Variants in GATM observed in about 807,000 individuals in gnomAD.
GATM encodes the protein glycine amidinotransferase.
In GATM, 23 loss-of-function variants were observed where a neutral mutation model predicts 54.2. The observed-to-expected ratio is 0.42, with a 90% confidence interval of 0.31 to 0.60. The LOEUF is 0.60. Ranked by LOEUF, GATM falls within the 20% of genes least tolerant of loss-of-function variation. The pLI is 0.14. For synonymous variants in GATM, 168 were observed against 183.1 expected, an observed-to-expected ratio of 0.92 and a Z score of 0.67; for missense variants, 401 against 544.9, an observed-to-expected ratio of 0.74 and a Z score of 2.63.
rs753489854 is a variant in GATM at position 45,378,450 on chromosome 15, G to T, written c.4C>A (p.Leu2Met). ...CCGCCGCGCAGACACCGCACCCGCA[G>T]CATCGCCCTGGCCCGGCTGGTCCAC... MLRVRCLRGGSR... is the reference protein window; with the variant it reads MMRVRCLRGGSR... Residue 2 changes from leucine to methionine, a missense_variant, in exon 1 of 9, where the codon CTG (leucine) becomes ATG (methionine). Leu to Met is a conservative substitution (Grantham distance 15). Transcript: ENST00000396659. 1.5e-5 allele frequency: 22 copies of T among 1,486,234 alleles called. No individual in the cohort carries two copies. The highest frequency in any genetic ancestry group is 2.0e-5 in the Non-Finnish European group (22 of 1,124,996). 92.1% of individuals were successfully genotyped at this position (1,486,234 alleles called of 1,614,324 possible).
chr15:45,364,978 C>T, intron 6 of GATM, 118 bp from the exon 7 acceptor site: 5 of 803,444 alleles, frequency 6.2e-6, no homozygotes, highest in Non-Finnish European at 8.1e-6. Flanking sequence ...TCTCAGCTTC[C>T]AAAAGAAAGA....
intron 2 of GATM, among the ~76,000 whole-genome samples, chr15:45,371,717 T>C (rs1889547262): frequency 6.6e-6 from 1 of 152,220 alleles, no homozygotes; most frequent in South Asian, 2.1e-4. Context: ...GTGTCCCTAA[T>C]ACATCATGGG....
At chr15:45,376,182 C>T (rs1214321093) in intron 2 of GATM, among the ~76,000 whole-genome samples, 1 of 152,100 alleles carries the variant, frequency 6.6e-6, no homozygotes, top group African/African-American at 2.4e-5. Flanking sequence ...AGTCCTGTGG[C>T]AATATCCCGT....
chr15:45,373,508 A>T (rs1298751251), intron 2 of GATM, among the ~76,000 whole-genome samples: 2 of 133,690 alleles, frequency 1.5e-5, no homozygotes, highest in African/African-American at 5.4e-5. Flanking sequence ...ATCTTAAAAA[A>T]ATATATATCT....
upstream of GATM, chr15:45,378,558 G>A (rs1889687427): frequency 8.1e-6 from 7 of 865,368 alleles, no homozygotes; most frequent in East Asian, 1.7e-4. Flanking sequence ...CGGGCGCGCG[G>A]GGCCCGAGGC....
chr15:45,368,082 C>T lies in GATM; in HGVS notation c.663G>A (p.Glu221=), dbSNP rs1566840431. 6.2e-7 allele frequency: 1 copy of T among 1,614,002 alleles called. No individual in the cohort carries two copies. Among genetic ancestry groups the T allele is most frequent in the East Asian group, 2.2e-5 (1 of 44,872 alleles). The change falls in exon 4 of 9, where the codon GAG becomes GAA. Residue 221 remains glutamate (E), a synonymous_variant. Transcript: ENST00000396659. The surrounding 1 kb of genome is among the most constrained non-coding windows in gnomAD (Gnocchi z 5.1). Reference sequence around the variant, plus strand: ...ATTAGGGACTCACCTGGTTATAAAGCTCATCAGCCATTGTGGGCTTAGGAG... The same window carrying T: ...ATTAGGGACTCACCTGGTTATAAAGTTCATCAGCCATTGTGGGCTTAGGAG... The part of the protein sequence containing the change: ...TTAPKPTMAD[E]LYNQDYPIHS...
chr15:45,389,979 C>A (rs1889851167), intron 3 of GATM, among the ~76,000 whole-genome samples: 1 of 152,092 alleles, frequency 6.6e-6, no homozygotes, highest in Non-Finnish European at 1.5e-5. Flanking sequence ...TGTGCCCCTG[C>A]CTCCCGAATA....
upstream of GATM, among the ~76,000 whole-genome samples, chr15:45,381,069 T>G (rs1258169614): frequency 1.3e-5 from 2 of 152,236 alleles, no homozygotes; most frequent in Non-Finnish European, 2.9e-5. Context: ...CTGGGCCAAC[T>G]CTGCAAAGTA....
intron 3 of GATM, among the ~76,000 whole-genome samples, chr15:45,390,522 A>G (rs1889860484): frequency 6.6e-6 from 1 of 152,222 alleles, no homozygotes; most frequent in African/African-American, 2.4e-5. Context: ...ACAATAAGCT[A>G]GTATTATCAT....
At chr15:45,375,628 G>C (rs1336872095) in intron 2 of GATM, among the ~76,000 whole-genome samples, 1 of 152,084 alleles carries the variant, frequency 6.6e-6, no homozygotes. Context: ...AGAGGATAGA[G>C]GGACTTGACC....
chr15:45,363,664 T>A (rs1479497815), intron 8 of GATM: 2 of 582,002 alleles, frequency 3.4e-6, no homozygotes, highest in Non-Finnish European at 6.1e-6. Context: ...CATATAAGAT[T>A]TATAAACTTA....
intron 7 of GATM, 81 bp downstream of exon 7, chr15:45,364,716 T>G: frequency 8.1e-7 from 1 of 1,234,110 alleles, no homozygotes; most frequent in Admixed American, 1.7e-5. Context: ...CTGCTAACAT[T>G]TGGGCTGCTC....
At chr15:45,394,637 G>A (rs11070456) in intron 3 of GATM, among the ~76,000 whole-genome samples, 48,619 of 152,074 alleles carry the variant, frequency 0.32, 8,888 homozygotes, top group East Asian at 0.83. Context: ...AGAAAAGTTT[G>A]CAGGTCTATA....
upstream of GATM, chr15:45,379,302 T>G (rs1441227972): frequency 1.3e-5 from 2 of 152,232 alleles, no homozygotes; most frequent in African/African-American, 4.8e-5. Context: ...TGCTGTGGAT[T>G]TGTACAGAGC....
upstream of GATM, chr15:45,380,156 G>A (rs1156587659): frequency 2.2e-5 from 3 of 138,850 alleles, no homozygotes; most frequent in South Asian, 2.4e-4. Context: ...AAAAAAAGCC[G>A]GGCATGGTGG....
At chr15:45,378,997 C>T (rs1889696469), upstream of GATM, 1 of 152,154 alleles carries the variant, frequency 6.6e-6, no homozygotes, top group African/African-American at 2.4e-5. Context: ...GGTGCAACAT[C>T]GGGTTTGAGA....
upstream of GATM, chr15:45,379,913 A>C (rs1451244425): frequency 6.6e-6 from 1 of 151,934 alleles, no homozygotes; most frequent in East Asian, 1.9e-4. Flanking sequence ...CGAGGTCAGG[A>C]GATCAAGACC....
chr15:45,361,908 G>A lies in GATM; in HGVS notation c.*201C>T, dbSNP rs1889371339. 5 of 589,526 alleles carry A rather than the reference G, an allele frequency of 8.5e-6. No homozygotes were observed. The highest frequency in any genetic ancestry group is 1.5e-5 in the Non-Finnish European group (5 of 331,642). 36.5% of individuals were successfully genotyped at this position (589,526 alleles called of 1,614,324 possible). A position where few individuals can be genotyped will look rare whatever the true frequency, so the allele number is the denominator to read the frequency against. On this transcript the variant is annotated 3_prime_UTR_variant, in exon 9 of 9. Coordinates refer to ENST00000396659, the MANE Select transcript of GATM (RefSeq NM_001482.3). Reference sequence around the variant, plus strand: ...GAAGCCAAATAGTAAATAACTTTAGGAGTAGAGAGTAATACCTAGCAGAAG... The same window carrying A: ...GAAGCCAAATAGTAAATAACTTTAGAAGTAGAGAGTAATACCTAGCAGAAG...
upstream of GATM, chr15:45,380,155 C>T (rs1467713716): frequency 8.2e-6 from 1 of 121,616 alleles, no homozygotes; most frequent in African/African-American, 3.2e-5. Flanking sequence ...AAAAAAAAGC[C>T]GGGCATGGTG....
Sources: allele counts gnomAD v4.1 joint callset (sites outside exome capture counted in the v4.1 genomes callset), GRCh38; gene constraint gnomAD v4.1.1; non-coding constraint Gnocchi (gnomAD v3.1); transcripts MANE v1.5; gene names NCBI Gene and HGNC (gene_info 2026-07-23, HGNC 2026-07-21).